The following CNBD2 variants were observed in gnomAD, a reference collection of about 807,000 sequenced individuals.
CNBD2 encodes the protein cyclic nucleotide binding domain containing 2, also known as cyclic nucleotide-binding domain-containing protein 2.
Under a neutral mutation model 63.7 loss-of-function variants are expected in CNBD2, and 64 were observed. The ratio of observed to expected loss-of-function variants is 1.00; its 90% CI spans 0.82 to 1.24. The LOEUF (loss-of-function observed/expected upper bound fraction) is 1.24, where lower values mean the gene tolerates loss of function less well. Ranked by LOEUF, CNBD2 falls within the 50% of genes most tolerant of loss-of-function variation. The pLI is 0.00. For synonymous variants in CNBD2, 229 were observed against 255.4 expected (o/e 0.90, Z 0.99); for missense variants, 691 against 713.5 (o/e 0.97, Z 0.36).
At chr20:35,972,083 C>CT (rs1713432786) in intron 1 of CNBD2, among the ~76,000 whole-genome samples, 1 of 152,176 alleles carries the variant, frequency 6.6e-6, no homozygotes, top group African/African-American at 2.4e-5. Context: ...AGAAGTCTGA[C>CT]ATGGATGTTC....
chr20:36,023,546 T>G, intron 10 of CNBD2, 56 bp from the exon 11 acceptor site: 1 of 1,365,510 alleles, frequency 7.3e-7, no homozygotes, highest in Non-Finnish European at 9.8e-7. Flanking sequence ...AGAATGAAAA[T>G]CTGCGGGCAG....
At chr20:36,025,967 A>G (rs574157417) in intron 11 of CNBD2, among the ~76,000 whole-genome samples, 2 of 152,284 alleles carry the variant, frequency 1.3e-5, no homozygotes, top group Admixed American at 6.5e-5. Context: ...ATGAAATCCT[A>G]CTATTCACAT....
chr20:35,996,517 T>G (rs1005392158), intron 8 of CNBD2, among the ~76,000 whole-genome samples: 18 of 151,096 alleles, frequency 1.2e-4, no homozygotes, highest in Admixed American at 4.6e-4. Flanking sequence ...TGTTTTTTTT[T>G]TTTTTTTGGA....
At chr20:35,971,001 G>A (rs1310640542) in intron 1 of CNBD2, among the ~76,000 whole-genome samples, 1 of 146,582 alleles carries the variant, frequency 6.8e-6, no homozygotes, top group African/African-American at 2.5e-5. Flanking sequence ...AGGCTGGAGT[G>A]CAGTGGCGGG....
chr20:36,001,770 C>G (rs1156275399), intron 8 of CNBD2, among the ~76,000 whole-genome samples: 2 of 146,028 alleles, frequency 1.4e-5, no homozygotes, highest in Non-Finnish European at 3.0e-5. Flanking sequence ...GGTGGCGGGG[C>G]AGAGGCGCTC....
chr20:36,002,899 A>G (rs529082166), intron 8 of CNBD2, among the ~76,000 whole-genome samples: 1 of 152,072 alleles, frequency 6.6e-6, no homozygotes, highest in South Asian at 2.1e-4. Flanking sequence ...ATTGCTTACA[A>G]TCCAATATAT....
At chr20:35,989,031 C>T (rs2056706851) in intron 7 of CNBD2, among the ~76,000 whole-genome samples, 2 of 152,100 alleles carry the variant, frequency 1.3e-5, no homozygotes. Context: ...TTACTGTATG[C>T]CAGGTTCTAT....
At chr20:36,013,028 C>T (rs1043132594) in intron 10 of CNBD2, among the ~76,000 whole-genome samples, 6 of 151,962 alleles carry the variant, frequency 3.9e-5, no homozygotes, top group Non-Finnish European at 5.9e-5. Context: ...AAATTATTCT[C>T]TATGGTACTG....
chr20:35,975,504 G>T (rs1285343202), intron 2 of CNBD2, among the ~76,000 whole-genome samples: 1 of 145,852 alleles, frequency 6.9e-6, no homozygotes, highest in East Asian at 2.0e-4. Context: ...GTTTCACCTT[G>T]TTAGCCAGGA....
Position 36,008,403 on chromosome 20 carries a change from G to C in CNBD2, c.1077G>C (p.Gln359His), listed in dbSNP as rs749750847. 6.2e-7 allele frequency: 1 copy of C among 1,614,114 alleles called. No homozygotes were observed. The highest frequency in any genetic ancestry group is 1.1e-5 in the South Asian group (1 of 91,078). The change falls in exon 9 of 12, where the codon CAG becomes CAC. Residue 359 changes from glutamine to histidine, a missense_variant. By Grantham distance (24) the Gln-to-His change is conservative (BLOSUM62 0). Coordinates refer to ENST00000373973, the MANE Select transcript of CNBD2 (RefSeq NM_001365709.1). The part of the protein sequence containing the change: ...LPHLKKAWGL[Q>H]GTSFSRKIRT... ...ATCTCAAAAAAGCCTGGGGGCTACA[G>C]GGGACAAGCTTCAGCAGGAAGATCA...
rs988850218 is a variant in CNBD2, at chr20:36,020,724, G to C, written c.1270-2878G>C. 1.3e-3 allele frequency among the ~76,000 whole-genome samples: 205 copies of C among 152,264 alleles called. 1 individual carries two copies. The highest frequency in any genetic ancestry group is 4.8e-3 in the African/African-American group (198 of 41,552). ...CTCCAGAGTAGGAGCTGGCTAAAGA[G>C]CAGCCATTCTGGTTTCTATGCAAGT... On this transcript the variant is annotated intron_variant, in intron 10 of 11. Transcript: ENST00000373973.
upstream of CNBD2, chr20:35,954,428 CGA>C (rs1356282567): frequency 1.3e-5 from 20 of 1,550,246 alleles, no homozygotes; most frequent in African/African-American, 2.7e-5. Flanking sequence ...CGGGACCGGC[CGA>C]GAGTGTGCGG....
intron 1 of CNBD2, among the ~76,000 whole-genome samples, chr20:35,971,835 T>A (rs2056423312): frequency 6.6e-6 from 1 of 152,182 alleles, no homozygotes; most frequent in Admixed American, 6.5e-5. Context: ...TTTTTCATCA[T>A]GAAATTGACT....
intron 9 of CNBD2, among the ~76,000 whole-genome samples, chr20:36,008,847 C>T (rs1404347072): frequency 6.6e-6 from 1 of 151,916 alleles, no homozygotes; most frequent in Admixed American, 6.6e-5. Context: ...AAGGCAGTTA[C>T]AGCATAGTAG....
At chr20:35,960,024 A>G (rs181772334), downstream of CNBD2, among the ~76,000 whole-genome samples, 2 of 152,364 alleles carry the variant, frequency 1.3e-5, no homozygotes, top group African/African-American at 2.4e-5. Context: ...ATAAGCATCT[A>G]TTACTATCAA....
rs761100759 is a variant in CNBD2 at position 35,995,061 on chromosome 20, G to A, written c.879G>A (p.Leu293=). Reference sequence around the variant, plus strand: ...AGGGCAGCTGTGAAGTCCTGCGGCTGTTGGACCTTGGGGCCTCCCCTTCCT... The same window carrying A: ...AGGGCAGCTGTGAAGTCCTGCGGCTATTGGACCTTGGGGCCTCCCCTTCCT... ...ISKGSCEVLR[L]LDLGASPSYR... is the part of the protein sequence containing the mutation. Residue 293 remains leucine, a synonymous_variant, in exon 8 of 12, where the codon CTG becomes CTA. Transcript: ENST00000373973. The A allele has an allele frequency of 3.1e-6, 5 of 1,613,976 alleles. No individual in the cohort carries two copies. The highest frequency in any genetic ancestry group is 3.4e-6 in the Non-Finnish European group (4 of 1,179,968).
intron 2 of CNBD2, among the ~76,000 whole-genome samples, chr20:35,962,600 A>C (rs1276376943): frequency 6.6e-6 from 1 of 152,162 alleles, no homozygotes; most frequent in Non-Finnish European, 1.5e-5. Flanking sequence ...TTGGAGCCCC[A>C]CTGGGCCATA....
At chr20:36,001,233 G>A (rs1297946753) in intron 8 of CNBD2, among the ~76,000 whole-genome samples, 5 of 151,468 alleles carry the variant, frequency 3.3e-5, no homozygotes, top group Non-Finnish European at 5.9e-5. Flanking sequence ...ATCATGGCCC[G>A]TTCTCAATGA....
chr20:36,020,271 T>G (rs2590985), intron 10 of CNBD2, among the ~76,000 whole-genome samples: 1 of 151,800 alleles, frequency 6.6e-6, no homozygotes, highest in Non-Finnish European at 1.5e-5. Flanking sequence ...TTAATAGAGA[T>G]GGGGTTTCAC....
Sources: allele counts gnomAD v4.1 joint callset (sites outside exome capture counted in the v4.1 genomes callset), GRCh38; gene constraint gnomAD v4.1.1; transcripts MANE v1.5; gene names NCBI Gene and HGNC (gene_info 2026-07-23, HGNC 2026-07-21).